Variants in KRT86 observed in about 807,000 individuals in gnomAD.
KRT86 encodes keratin 86, also known as keratin, type II cuticular Hb6.
In KRT86, 30 loss-of-function variants were observed where a neutral mutation model predicts 41.2. That is an observed-to-expected ratio of 0.73 (90% CI 0.54 to 0.99). The LOEUF is 0.99. Ranked by LOEUF, KRT86 falls within the 50% of genes least tolerant of loss-of-function variation. The pLI, the probability that KRT86 is intolerant of heterozygous loss-of-function variation, is 0.00. For synonymous variants in KRT86, 238 were observed against 238.1 expected, an observed-to-expected ratio of 1.00 and a Z score of 0.00; for missense variants, 561 against 571.4, an observed-to-expected ratio of 0.98 and a Z score of 0.19.
chr12:52,286,694 C>A (rs1937950738), intron 2 of KRT86: 1 of 1,388,152 alleles, frequency 7.2e-7, no homozygotes, highest in Non-Finnish European at 1.0e-6. Flanking sequence ...CCAGCCCACT[C>A]TTTTATATTC....
intron 8 of KRT86, 99 bp downstream of exon 8, chr12:52,305,887 G>C (rs1938502698): frequency 6.2e-7 from 1 of 1,606,010 alleles, no homozygotes; most frequent in Non-Finnish European, 8.5e-7. Flanking sequence ...TCATTCTCCA[G>C]CCCCTCTGTC....
intron 2 of KRT86, among the ~76,000 whole-genome samples, chr12:52,293,173 A>G (rs1347071560): frequency 6.6e-6 from 1 of 152,200 alleles, no homozygotes. Context: ...GTAGAGAAAC[A>G]TGGATCTTAG....
At chr12:52,306,617 G>C in intron 9 of KRT86, 1 of 462,198 alleles carries the variant, frequency 2.2e-6, no homozygotes. Flanking sequence ...GTGCTTCTCA[G>C]GATTCCTTCT....
At position 52,308,698 on chromosome 12, in the gene KRT86, T is replaced by A; in HGVS notation, c.*113T>A. On this transcript the variant is annotated 3_prime_UTR_variant, in exon 11 of 11. Coordinates refer to ENST00000423955, the MANE Select transcript of KRT86 (RefSeq NM_001320198.2). ...CTCCCAATAGCCGCCGCCCGCTGCC[T>A]GCACTCTAAGCGCCCTCCCCACCGC... 1 of 1,063,322 alleles carries A rather than the reference T, an allele frequency of 9.4e-7. No individual in the cohort carries two copies. Among genetic ancestry groups the A allele is most frequent in the Non-Finnish European group, 1.4e-6 (1 of 725,948 alleles). 65.9% of individuals were successfully genotyped at this position (1,063,322 alleles called of 1,614,324 possible).
Position 52,275,808 on chromosome 12 carries a change from G to C in KRT86, c.-130-13G>C, listed in dbSNP as rs568650704. On this transcript the variant is annotated splice_polypyrimidine_tract_variant and intron_variant, in intron 1 of 10. Coordinates refer to ENST00000423955, the MANE Select transcript of KRT86 (RefSeq NM_001320198.2). ...CTCCTGACTACAGCTCCCCTCTGCC[G>C]TCTGCTCCACAGTGTGAGGAATTAA... The C allele has an allele frequency of 1.0e-6, 1 of 985,364 alleles. No homozygotes were observed. The highest frequency in any genetic ancestry group is 1.7e-5 in the African/African-American group (1 of 57,214). The allele number at this position is 985,364 out of a possible 1,614,324, so 61.0% of individuals were successfully genotyped here. A position where few individuals can be genotyped will look rare whatever the true frequency, so the allele number is the denominator to read the frequency against.
At position 52,284,343 on chromosome 12, in the gene KRT86, C is replaced by T. The variant is rs75088558; in HGVS notation, c.-5+8397C>T. 6.9e-3 allele frequency among the ~76,000 whole-genome samples: 1,056 copies of T among 152,312 alleles called. 15 individuals are homozygous for T. The highest frequency in any genetic ancestry group is 0.024 in the African/African-American group (1,001 of 41,568). On this transcript the variant is annotated intron_variant, in intron 2 of 10. Transcript: ENST00000423955. ...TAGCTGGGACTATAGGTGCACACCA[C>T]GTCGCCCAGCTAATATTTTTATATT... is the stretch of plus-strand genomic sequence containing the variant.
chr12:52,308,095 C>T, intron 9 of KRT86, 138 bp from the exon 10 acceptor site: 1 of 1,120,270 alleles, frequency 8.9e-7, no homozygotes, highest in Non-Finnish European at 1.3e-6. Context: ...TCTACACTGG[C>T]TCCTGGCCGA....
At chr12:52,283,509 G>T (rs552998602) in intron 2 of KRT86, among the ~76,000 whole-genome samples, 1 of 104,868 alleles carries the variant, frequency 9.5e-6, no homozygotes, top group South Asian at 3.2e-4. Context: ...ACAGAGTCTC[G>T]CTCTTGTTGC....
rs11836475 is a variant in KRT86, at chr12:52,297,675, A to G, written c.-4-4238A>G. ...TCCAGATCTGAAGGTCTTTTGGTTC[A>G]CCTTGTCTCCACAAAAATGGTGGCC... On this transcript the variant is annotated intron_variant, in intron 2 of 10. Transcript: ENST00000423955. Among the ~76,000 whole-genome samples the G allele has an allele frequency of 4.3e-3, 654 of 152,306 alleles. 3 individuals are homozygous for G. The highest frequency in any genetic ancestry group is 0.015 in the African/African-American group (615 of 41,566).
intron 8 of KRT86, 102 bp downstream of exon 8, chr12:52,305,890 C>G (rs1053711880): frequency 1.2e-6 from 2 of 1,604,630 alleles, no homozygotes; most frequent in Admixed American, 1.7e-5. Context: ...TTCTCCAGCC[C>G]CTCTGTCCAT....
intron 2 of KRT86, among the ~76,000 whole-genome samples, chr12:52,284,168 G>GGCT (rs761653716): frequency 2.2e-4 from 34 of 152,162 alleles, no homozygotes; most frequent in African/African-American, 7.2e-4. Context: ...TCCTGACAGG[G>GGCT]GCTGCTGCTG....
intron 2 of KRT86, among the ~76,000 whole-genome samples, chr12:52,288,934 G>A (rs1425375387): frequency 2.5e-4 from 36 of 146,412 alleles, no homozygotes; most frequent in Middle Eastern, 6.9e-3. Flanking sequence ...GGCTCCAGGG[G>A]CCTCAGCAAT....
At chr12:52,277,320 T>A (rs929735764) in intron 2 of KRT86, among the ~76,000 whole-genome samples, 1 of 151,544 alleles carries the variant, frequency 6.6e-6, no homozygotes, top group Non-Finnish European at 1.5e-5. Flanking sequence ...GGTGGGCAGG[T>A]TCTTTTCATC....
intron 2 of KRT86, among the ~76,000 whole-genome samples, chr12:52,283,447 G>T (rs1296526023): frequency 8.7e-6 from 1 of 114,560 alleles, no homozygotes; most frequent in Non-Finnish European, 1.8e-5. Context: ...GGTAAGGGAT[G>T]TTAGTAGCCA....
chr12:52,287,889 G>A, intron 2 of KRT86: 2 of 1,608,416 alleles, frequency 1.2e-6, no homozygotes, highest in Non-Finnish European at 1.7e-6. Context: ...CTCATCCCTA[G>A]GGACCAGCAT....
At chr12:52,279,798 A>G (rs949406985) in intron 2 of KRT86, among the ~76,000 whole-genome samples, 2 of 152,212 alleles carry the variant, frequency 1.3e-5, no homozygotes, top group African/African-American at 4.8e-5. Context: ...CCTGGGGCCC[A>G]TAGCTTCTGG....
At chr12:52,276,074 C>A in intron 2 of KRT86, 128 bp downstream of exon 2, 1 of 932,498 alleles carries the variant, frequency 1.1e-6, no homozygotes, top group Non-Finnish European at 1.3e-6. Context: ...AATGTCTAAG[C>A]ATACAGCAGT....
intron 2 of KRT86, among the ~76,000 whole-genome samples, chr12:52,297,366 C>T (rs992745293): frequency 6.6e-6 from 1 of 152,202 alleles, no homozygotes; most frequent in Non-Finnish European, 1.5e-5. Context: ...TGTTTCCTTC[C>T]TCCTCTTAAT....
chr12:52,305,483 T>C lies in KRT86; in HGVS notation c.900+79T>C, dbSNP rs573697276. The C allele has an allele frequency of 6.2e-6, 10 of 1,611,422 alleles. No individual in the cohort carries two copies. The Admixed American group carries it at 1.7e-4, about 27-fold the overall frequency. On this transcript the variant is annotated intron_variant, in intron 7 of 10. Coordinates refer to ENST00000423955, the MANE Select transcript of KRT86 (RefSeq NM_001320198.2). ...ATTATCTATTAAATAGGCTTCCTTT[T>C]CTGGGGATGCACTAGGGATGAGAAG...
Sources: allele counts gnomAD v4.1 joint callset (sites outside exome capture counted in the v4.1 genomes callset), GRCh38; gene constraint gnomAD v4.1.1; transcripts MANE v1.5; gene names NCBI Gene and HGNC (gene_info 2026-07-23, HGNC 2026-07-21).